Variants in PPHLN1 observed in about 807,000 individuals in gnomAD.
PPHLN1 encodes the protein periphilin-1.
A neutral mutation model predicts 51.3 loss-of-function variants in PPHLN1; 29 were observed. That is an observed-to-expected ratio of 0.57 (90% confidence interval 0.42 to 0.77). The LOEUF (loss-of-function observed/expected upper bound fraction) is 0.77, where lower values mean the gene tolerates loss of function less well. PPHLN1 is among the 30% of genes least tolerant of loss of function. The pLI is 0.00. For synonymous variants in PPHLN1, 147 were observed against 147.8 expected, an observed-to-expected ratio of 0.99 and a Z score of 0.04; for missense variants, 436 against 438.4, an observed-to-expected ratio of 0.99 and a Z score of 0.05.
At chr12:42,399,210 T>G in intron 9 of PPHLN1, 1 of 1,181,592 alleles carries the variant, frequency 8.5e-7, no homozygotes, top group Non-Finnish European at 1.1e-6. Flanking sequence ...AAAACAGACT[T>G]CTTTTTTACA....
chr12:42,406,172 C>T (rs1438166459), intron 9 of PPHLN1, among the ~76,000 whole-genome samples: 1 of 150,828 alleles, frequency 6.6e-6, no homozygotes, highest in Admixed American at 6.7e-5. Flanking sequence ...CAAACTCCAC[C>T]TTCCGGGTTC....
intron 4 of PPHLN1, among the ~76,000 whole-genome samples, chr12:42,358,492 G>C (rs2074288254): frequency 6.6e-6 from 1 of 152,210 alleles, no homozygotes; most frequent in Non-Finnish European, 1.5e-5. Flanking sequence ...TCAGGCTTAA[G>C]CATTCCTCCT....
chr12:42,420,530 G>A (rs2080895935), intron 9 of PPHLN1, among the ~76,000 whole-genome samples: 1 of 151,342 alleles, frequency 6.6e-6, no homozygotes, highest in Non-Finnish European at 1.5e-5. Context: ...GAGTGCGGTG[G>A]CACCATCTCA....
intron 9 of PPHLN1, among the ~76,000 whole-genome samples, chr12:42,427,700 C>A (rs1487900187): frequency 6.6e-6 from 1 of 152,122 alleles, no homozygotes; most frequent in Non-Finnish European, 1.5e-5. Context: ...TTGGCTTAGG[C>A]AAGGATTTCA....
chr12:42,413,160 G>A (rs1207935870), intron 9 of PPHLN1, among the ~76,000 whole-genome samples: 1 of 152,072 alleles, frequency 6.6e-6, no homozygotes, highest in African/African-American at 2.4e-5. Context: ...ATTTGCTTCT[G>A]GGGTCTTAGT....
intron 8 of PPHLN1, 171 bp from the exon 9 acceptor site, chr12:42,398,683 T>A: frequency 4.2e-6 from 2 of 481,302 alleles, no homozygotes; most frequent in Non-Finnish European, 6.9e-6. Flanking sequence ...TCTTCTTTAA[T>A]CCATTTCACA....
At chr12:42,387,090 A>G (rs552331564) in intron 6 of PPHLN1, 15 of 158,930 alleles carry the variant, frequency 9.4e-5, no homozygotes, top group Non-Finnish European at 1.8e-4. Flanking sequence ...TATAATAACT[A>G]CCTTTGTATT....
At chr12:42,326,475 A>G (rs777700863) in intron 1 of PPHLN1, among the ~76,000 whole-genome samples, 1 of 152,200 alleles carries the variant, frequency 6.6e-6, no homozygotes, top group Non-Finnish European at 1.5e-5. Context: ...CGACTGAGCT[A>G]GGTAACTTCA....
intron 4 of PPHLN1, among the ~76,000 whole-genome samples, chr12:42,360,883 G>A (rs924107407): frequency 1.3e-5 from 2 of 152,090 alleles, no homozygotes; most frequent in African/African-American, 2.4e-5. Context: ...GATGGAGTCT[G>A]CAAAGTTTCT....
chr12:42,380,947 C>T (rs2076707267), intron 5 of PPHLN1, among the ~76,000 whole-genome samples: 1 of 152,104 alleles, frequency 6.6e-6, no homozygotes, highest in Non-Finnish European at 1.5e-5. Context: ...CAATCTCTGC[C>T]TTCTGAGTTT....
chr12:42,334,088 T>G (rs1443785320), intron 1 of PPHLN1, among the ~76,000 whole-genome samples: 1 of 152,196 alleles, frequency 6.6e-6, no homozygotes, highest in African/African-American at 2.4e-5. Context: ...GGATAAAATC[T>G]AACTCTTTAG....
intron 5 of PPHLN1, among the ~76,000 whole-genome samples, chr12:42,381,903 T>C (rs2076787746): frequency 6.6e-6 from 1 of 152,212 alleles, no homozygotes. Context: ...TGCACTCAAA[T>C]ATACCTGTTT....
At chr12:42,414,624 A>G (rs1188621075) in intron 9 of PPHLN1, among the ~76,000 whole-genome samples, 1 of 152,178 alleles carries the variant, frequency 6.6e-6, no homozygotes, top group Non-Finnish European at 1.5e-5. Context: ...ATATACACTG[A>G]TTTTGTAACC....
Position 42,441,319 on chromosome 12 carries a change from A to G in PPHLN1, c.914A>G (p.Tyr305Cys). Residue 305 changes from tyrosine to cysteine, a missense_variant, in exon 10 of 10, where the codon TAC (tyrosine) becomes TGC (cysteine). Tyr to Cys is a radical substitution (Grantham distance 194, BLOSUM62 -2). Coordinates refer to ENST00000358314, the MANE Select transcript of PPHLN1 (RefSeq NM_201439.2). ...AGAATGTGTTTTACCTTTTAGGTTT[A>G]CCGACAAGACTGTGAAACTTTCGGG... ...ASKTKEIEQV[Y>C]RQDCETFGMV... is the part of the protein sequence containing the mutation. The G allele has an allele frequency of 6.2e-7, 1 of 1,609,128 alleles. No individual in the cohort carries two copies. The highest frequency in any genetic ancestry group is 8.5e-7 in the Non-Finnish European group (1 of 1,176,832).
At chr12:42,339,062 C>G (rs1410353483) in intron 2 of PPHLN1, among the ~76,000 whole-genome samples, 1 of 152,164 alleles carries the variant, frequency 6.6e-6, no homozygotes, top group African/African-American at 2.4e-5. Context: ...ATAATTTTAT[C>G]AGAAGCAAGC....
At position 42,390,671 on chromosome 12, in the gene PPHLN1, C is replaced by CT. The variant is rs5797794; in HGVS notation, c.649-2885dup. On this transcript the variant is annotated intron_variant, in intron 7 of 9. Coordinates refer to ENST00000358314, the MANE Select transcript of PPHLN1 (RefSeq NM_201439.2). ...TCTTAAAACATTACGTGATTTTTTCCTTTTTTTTTTTTTTAAGCTCATCAG... is the reference window on the plus strand; with the variant it reads ...TCTTAAAACATTACGTGATTTTTTCCTTTTTTTTTTTTTTTAAGCTCATCAG... Among the ~76,000 whole-genome samples, 152 of 141,072 alleles carry CT rather than the reference C, an allele frequency of 1.1e-3. 1 individual carries two copies. Among genetic ancestry groups the CT allele is most frequent in the South Asian group, 2.5e-3 (11 of 4,436 alleles). 92.5% of individuals were successfully genotyped at this position (141,072 alleles called of 152,430 possible).
intron 9 of PPHLN1, chr12:42,433,030 A>C: frequency 4.9e-6 from 5 of 1,010,486 alleles, no homozygotes; most frequent in Non-Finnish European, 7.9e-6. Flanking sequence ...TCATATCCTC[A>C]GGAAAATCCA....
intron 9 of PPHLN1, 71 bp from the exon 10 acceptor site, chr12:42,441,244 C>T: frequency 1.4e-6 from 2 of 1,478,446 alleles, no homozygotes; most frequent in Middle Eastern, 4.3e-4. Context: ...ATAATTCTGC[C>T]AACTCAGTTA....
intron 9 of PPHLN1, among the ~76,000 whole-genome samples, chr12:42,408,135 G>A (rs779015855): frequency 1.3e-5 from 2 of 151,546 alleles, no homozygotes; most frequent in East Asian, 1.9e-4. Context: ...TATTTTGGGC[G>A]GGCTTAACTT....
Sources: allele counts gnomAD v4.1 joint callset (sites outside exome capture counted in the v4.1 genomes callset), GRCh38; gene constraint gnomAD v4.1.1; transcripts MANE v1.5; gene names NCBI Gene and HGNC (gene_info 2026-07-23, HGNC 2026-07-21).